PCDH9: variants seen among roughly 807,000 people sequenced by gnomAD.
PCDH9 encodes the protein protocadherin 9, also known as protocadherin-9.
PCDH9 carries 24 observed loss-of-function variants against 70.6 expected under a neutral mutation model. The observed-to-expected ratio is 0.34, with a 90% confidence interval of 0.25 to 0.48. PCDH9 has a LOEUF of 0.48. PCDH9 is among the 20% of genes least tolerant of loss of function. The pLI, the probability that PCDH9 is intolerant of heterozygous loss-of-function variation, is 0.99. For missense variants in PCDH9, 1,281 were observed against 1,503.6 expected (o/e 0.85, Z 2.45); for synonymous variants, 562 against 558.5 (o/e 1.01, Z -0.09).
At chr13:66,706,609 A>C (rs2078714780) in intron 3 of PCDH9, among the ~76,000 whole-genome samples, 1 of 152,196 alleles carries the variant, frequency 6.6e-6, no homozygotes, top group African/African-American at 2.4e-5. Context: ...TCACAACCTA[A>C]AACAAATGCC....
At chr13:66,717,445 CTG>C in intron 3 of PCDH9, among the ~76,000 whole-genome samples, 1 of 66,218 alleles carries the variant, frequency 1.5e-5, no homozygotes, top group South Asian at 6.5e-4. Flanking sequence ...GAGCAAGACT[CTG>C]TCTCAAAAAA....
At chr13:66,831,644 A>G (rs2080927247) in intron 3 of PCDH9, among the ~76,000 whole-genome samples, 1 of 152,156 alleles carries the variant, frequency 6.6e-6, no homozygotes, top group Non-Finnish European at 1.5e-5. Flanking sequence ...ACAGAATTTC[A>G]TCTCAAGCAC....
intron 2 of PCDH9, among the ~76,000 whole-genome samples, chr13:67,012,883 T>C (rs2084479520): frequency 1.3e-5 from 2 of 152,062 alleles, no homozygotes; most frequent in South Asian, 2.1e-4. Context: ...TAAGTGTAAA[T>C]TGGCTGGCAT....
chr13:66,995,638 T>C (rs968007592), intron 2 of PCDH9, among the ~76,000 whole-genome samples: 1 of 152,128 alleles, frequency 6.6e-6, no homozygotes, highest in Non-Finnish European at 1.5e-5. Context: ...TCTGTGACTA[T>C]AAAAAAAGAA....
chr13:67,027,712 A>T (rs1353988762), intron 2 of PCDH9, among the ~76,000 whole-genome samples: 6 of 148,466 alleles, frequency 4.0e-5, no homozygotes, highest in Non-Finnish European at 7.5e-5. Context: ...GAACTCAAAC[A>T]AATTTACAAG....
intron 2 of PCDH9, among the ~76,000 whole-genome samples, chr13:66,935,507 G>GTATT (rs2082901492): frequency 2.0e-5 from 3 of 152,206 alleles, no homozygotes; most frequent in African/African-American, 7.2e-5. Context: ...GATACAATGT[G>GTATT]CAAATAAATT....
intron 3 of PCDH9, among the ~76,000 whole-genome samples, chr13:66,760,789 G>A (rs1196022841): frequency 6.6e-6 from 1 of 152,086 alleles, no homozygotes; most frequent in Non-Finnish European, 1.5e-5. Context: ...GAACAGCCCT[G>A]GGAAAAGAAT....
At chr13:67,113,144 T>C (rs777511062) in intron 2 of PCDH9, among the ~76,000 whole-genome samples, 51 of 152,214 alleles carry the variant, frequency 3.4e-4, no homozygotes, top group Admixed American at 2.0e-3. Context: ...TCCTTATTAA[T>C]ATTCTGCCTT....
chr13:66,453,262 C>T (rs1958249503), intron 4 of PCDH9, among the ~76,000 whole-genome samples: 1 of 152,100 alleles, frequency 6.6e-6, no homozygotes, highest in Admixed American at 6.6e-5. Context: ...TCTTTGATCT[C>T]TAACTATCTA....
chr13:66,820,533 A>G (rs1409300813), intron 3 of PCDH9, among the ~76,000 whole-genome samples: 3 of 152,164 alleles, frequency 2.0e-5, no homozygotes, highest in Admixed American at 2.0e-4. Context: ...ATTCTCTTAT[A>G]AAGACGGATA....
At chr13:66,483,823 C>T (rs1209180866) in intron 4 of PCDH9, among the ~76,000 whole-genome samples, 4 of 152,142 alleles carry the variant, frequency 2.6e-5, no homozygotes, top group Non-Finnish European at 4.4e-5. Flanking sequence ...CCTGGCCTGC[C>T]ACGCCCCCTT....
chr13:66,569,207 G>A (rs912616599), intron 4 of PCDH9, among the ~76,000 whole-genome samples: 18 of 148,682 alleles, frequency 1.2e-4, no homozygotes, highest in African/African-American at 2.4e-4. Flanking sequence ...TAGCAGAGAC[G>A]GGGTTTCACC....
chr13:66,493,827 T>C (rs1304740253), intron 4 of PCDH9, among the ~76,000 whole-genome samples: 1 of 152,122 alleles, frequency 6.6e-6, no homozygotes, highest in Non-Finnish European at 1.5e-5. Flanking sequence ...TATGGGTGAA[T>C]AAACCATTTA....
intron 3 of PCDH9, among the ~76,000 whole-genome samples, chr13:66,686,707 G>A (rs1020769991): frequency 2.6e-5 from 4 of 152,112 alleles, no homozygotes; most frequent in African/African-American, 9.7e-5. Flanking sequence ...TAATCAGTGT[G>A]TAGTTTGGTG....
intron 4 of PCDH9, among the ~76,000 whole-genome samples, chr13:66,308,509 C>T (rs1955507686): frequency 6.6e-6 from 1 of 152,030 alleles, no homozygotes; most frequent in Non-Finnish European, 1.5e-5. Context: ...CACAATGGCA[C>T]TCTACATGAA....
intron 4 of PCDH9, among the ~76,000 whole-genome samples, chr13:66,439,905 T>C (rs1210542968): frequency 6.6e-6 from 1 of 152,124 alleles, no homozygotes; most frequent in Non-Finnish European, 1.5e-5. Flanking sequence ...AAGTTTAACA[T>C]CCAATTCCAC....
Position 66,659,553 on chromosome 13 carries a change from T to G in PCDH9, c.3139-28142A>C, listed in dbSNP as rs9317598. ...TTAAGTTATGTTTGTGTGTGTGTGT[T>G]TGTGTGTGTTTGGTAGAACAAGCAA... On this transcript the variant is annotated intron_variant, in intron 3 of 4. Transcript: ENST00000377865. Among the ~76,000 whole-genome samples the G allele has an allele frequency of 4.4e-3, 658 of 148,678 alleles. 5 individuals are homozygous for G. Among genetic ancestry groups the G allele is most frequent in the African/African-American group, 0.013 (515 of 39,920 alleles).
intron 4 of PCDH9, among the ~76,000 whole-genome samples, chr13:66,501,186 T>A (rs913487112): frequency 6.6e-6 from 1 of 152,150 alleles, no homozygotes; most frequent in African/African-American, 2.4e-5. Flanking sequence ...CTTATGAGTA[T>A]GTCATTTGAA....
intron 3 of PCDH9, among the ~76,000 whole-genome samples, chr13:66,791,378 T>C (rs1366586530): frequency 6.6e-6 from 1 of 152,132 alleles, no homozygotes; most frequent in East Asian, 1.9e-4. Context: ...TATTATGCTA[T>C]GCTGGTAAAC....
Sources: gnomAD v4.1 joint callset for allele counts (sites outside exome capture counted in the v4.1 genomes callset) on GRCh38, gnomAD v4.1.1 for gene constraint, MANE v1.5 for transcripts, NCBI Gene and HGNC (gene_info 2026-07-23, HGNC 2026-07-21) for gene names.